Variants in CCDC146 observed in about 807,000 individuals in gnomAD.
CCDC146 encodes the protein coiled-coil domain-containing protein 146.
In CCDC146, 92 loss-of-function variants were observed where a neutral mutation model predicts 119.3. The ratio of observed to expected loss-of-function variants is 0.77; its 90% CI spans 0.65 to 0.92. CCDC146 has a LOEUF of 0.92. Ranked by LOEUF, CCDC146 falls within the 40% of genes least tolerant of loss-of-function variation. CCDC146 has a pLI of 0.00. For missense variants in CCDC146, 1,000 were observed against 1,103.0 expected, an observed-to-expected ratio of 0.91 and a Z score of 1.32; for synonymous variants, 372 against 371.8, an observed-to-expected ratio of 1.00 and a Z score of -0.01.
chr7:77,131,734 TAAACAAA>T (rs1401329966), intron 1 of CCDC146, among the ~76,000 whole-genome samples: 1 of 151,990 alleles, frequency 6.6e-6, no homozygotes. Context: ...AACAAAAACA[TAAACAAA>T]AAACAAAAAA....
chr7:77,238,470 G>A (rs1792780922), intron 3 of CCDC146, among the ~76,000 whole-genome samples: 1 of 152,004 alleles, frequency 6.6e-6, no homozygotes, highest in Non-Finnish European at 1.5e-5. Context: ...AGGCTGGAGT[G>A]CAGTGGCCTG....
At chr7:77,202,306 A>G (rs935186658) in intron 2 of CCDC146, among the ~76,000 whole-genome samples, 4 of 152,232 alleles carry the variant, frequency 2.6e-5, no homozygotes, top group South Asian at 2.1e-4. Flanking sequence ...GGACTTTGAA[A>G]TGAAATCTTA....
chr7:77,128,221 C>A (rs1449962270), intron 1 of CCDC146, among the ~76,000 whole-genome samples: 1 of 151,794 alleles, frequency 6.6e-6, no homozygotes, highest in Non-Finnish European at 1.5e-5. Context: ...TATAGCTCAT[C>A]TTCAGCGGGA....
At position 77,280,472 on chromosome 7, in the gene CCDC146, A is replaced by G; in HGVS notation, c.1738A>G (p.Ile580Val). The G allele has an allele frequency of 6.2e-7, 1 of 1,614,190 alleles. No homozygotes were observed. The highest frequency in any genetic ancestry group is 8.5e-7 in the Non-Finnish European group (1 of 1,180,028). ...SMLKHANNVTIRESMQNDVRK... is the reference protein window; with the variant it reads ...SMLKHANNVTVRESMQNDVRK... The stretch of plus-strand genomic sequence containing the variant: ...GCTGAAACACGCCAACAATGTTACC[A>G]TCAGAGAGAGCATGCAAAACGATGT... Residue 580 changes from isoleucine to valine, a missense_variant, in exon 14 of 19, where the codon ATC (isoleucine) becomes GTC (valine). Ile to Val is a conservative substitution (Grantham distance 29). Transcript: ENST00000285871.
chr7:77,220,835 A>G (rs955332904), intron 2 of CCDC146, among the ~76,000 whole-genome samples: 2 of 152,162 alleles, frequency 1.3e-5, no homozygotes, highest in African/African-American at 4.8e-5. Context: ...TTGGAGGCGG[A>G]TCACATTGAG....
At chr7:77,133,280 T>A (rs1330017727) in intron 1 of CCDC146, among the ~76,000 whole-genome samples, 1 of 152,202 alleles carries the variant, frequency 6.6e-6, no homozygotes, top group Non-Finnish European at 1.5e-5. Flanking sequence ...TGTGAAAAAT[T>A]TACACTTAGT....
chr7:77,268,840 A>G (rs1190051159), intron 9 of CCDC146, among the ~76,000 whole-genome samples: 1 of 152,220 alleles, frequency 6.6e-6, no homozygotes, highest in South Asian at 2.1e-4. Context: ...TAGCTTCACT[A>G]TGAAGAAGAT....
At chr7:77,259,951 T>TAA (rs1793258997) in intron 7 of CCDC146, 58 bp from the exon 8 acceptor site, 1 of 41,762 alleles carries the variant, frequency 2.4e-5, no homozygotes, top group African/African-American at 2.2e-4. Flanking sequence ...TGTGTGTGTG[T>TAA]GTGTGTGTGT....
chr7:77,274,940 A>G (rs572918191), intron 11 of CCDC146, among the ~76,000 whole-genome samples: 2 of 152,204 alleles, frequency 1.3e-5, no homozygotes, highest in Non-Finnish European at 2.9e-5. Flanking sequence ...TGATGAGTTA[A>G]TGGGTGCAGC....
chr7:77,181,974 A>AC (rs1791596642), intron 2 of CCDC146, among the ~76,000 whole-genome samples: 1 of 152,268 alleles, frequency 6.6e-6, no homozygotes, highest in Non-Finnish European at 1.5e-5. Flanking sequence ...TGTAGGGGAA[A>AC]CAAAAAGGAG....
intron 1 of CCDC146, among the ~76,000 whole-genome samples, chr7:77,148,310 C>A (rs1462131569): frequency 6.6e-6 from 1 of 152,138 alleles, no homozygotes; most frequent in Admixed American, 6.5e-5. Context: ...CCGTCTGTCA[C>A]CCCTTCCCTT....
intron 3 of CCDC146, among the ~76,000 whole-genome samples, chr7:77,239,542 G>T (rs17804328): frequency 6.6e-6 from 1 of 152,152 alleles, no homozygotes; most frequent in Non-Finnish European, 1.5e-5. Context: ...CAGACACAAG[G>T]TAACTTCAGT....
In CCDC146 at chr7:77,242,449, C is replaced by T. The variant is rs1177562469; in HGVS notation, c.449+549C>T. On this transcript the variant is annotated intron_variant, in intron 4 of 18. Transcript: ENST00000285871. ...AGAAAAGGTATATCCTTTTGGAAGACACATTTACTTATCCAAATTTAGAGG... is the reference window on the plus strand; with the variant it reads ...AGAAAAGGTATATCCTTTTGGAAGATACATTTACTTATCCAAATTTAGAGG... 8.6e-6 allele frequency: 8 copies of T among 928,058 alleles called. No individual in the cohort carries two copies. The African/African-American group carries it at 1.4e-4, about 17-fold the overall frequency. The allele number at this position is 928,058 out of a possible 1,614,324, so 57.5% of individuals were successfully genotyped here.
chr7:77,261,246 A>G (rs1372394688), intron 8 of CCDC146, among the ~76,000 whole-genome samples: 2 of 151,986 alleles, frequency 1.3e-5, no homozygotes, highest in African/African-American at 2.4e-5. Flanking sequence ...AGTACCTATT[A>G]TTTTTCCTGA....
chr7:77,226,473 G>A (rs1167588964), intron 2 of CCDC146, among the ~76,000 whole-genome samples: 1 of 152,188 alleles, frequency 6.6e-6, no homozygotes, highest in African/African-American at 2.4e-5. Flanking sequence ...AGCTCTTACT[G>A]AGCTATTACT....
intron 9 of CCDC146, 25 bp downstream of exon 9, chr7:77,262,332 A>C: frequency 6.6e-7 from 1 of 1,506,120 alleles, no homozygotes; most frequent in Non-Finnish European, 8.9e-7. Flanking sequence ...CTACCATCTG[A>C]TTTTTAAGCT....
At chr7:77,228,740 TCTACAATGG>T (rs1283675033) in intron 2 of CCDC146, among the ~76,000 whole-genome samples, 1 of 152,226 alleles carries the variant, frequency 6.6e-6, no homozygotes, top group Non-Finnish European at 1.5e-5. Flanking sequence ...ACCACTGTCT[TCTACAATGG>T]CTGAAATACT....
intron 1 of CCDC146, among the ~76,000 whole-genome samples, chr7:77,155,771 G>A (rs2117454935): frequency 6.6e-6 from 1 of 152,274 alleles, no homozygotes; most frequent in Admixed American, 6.5e-5. Flanking sequence ...CTTGCATGCT[G>A]ACAAGGGCAA....
chr7:77,193,059 A>C (rs1378002227), intron 2 of CCDC146, among the ~76,000 whole-genome samples: 1 of 150,030 alleles, frequency 6.7e-6, no homozygotes, highest in Non-Finnish European at 1.5e-5. Context: ...ACTGGAATAG[A>C]CTGAAACCAG....
Sources: allele counts gnomAD v4.1 joint callset (sites outside exome capture counted in the v4.1 genomes callset), GRCh38; gene constraint gnomAD v4.1.1; transcripts MANE v1.5; gene names NCBI Gene and HGNC (gene_info 2026-07-23, HGNC 2026-07-21).